Variants in PSTPIP1 observed in about 807,000 individuals in gnomAD.
The protein encoded by PSTPIP1 is proline-serine-threonine phosphatase-interacting protein 1.
PSTPIP1 carries 66 observed loss-of-function variants against 69.6 expected under a neutral mutation model. The observed-to-expected ratio is 0.95, with a 90% CI of 0.78 to 1.16. The LOEUF (loss-of-function observed/expected upper bound fraction) is 1.16, where lower values mean the gene tolerates loss of function less well. PSTPIP1 is among the 50% of genes most tolerant of loss of function. PSTPIP1 has a pLI of 0.00. For synonymous variants in PSTPIP1, 266 were observed against 222.7 expected (o/e 1.19, Z -1.73); for missense variants, 603 against 557.4 (o/e 1.08, Z -0.82).
chr15:77,031,470 C>A, intron 10 of PSTPIP1, 192 bp downstream of exon 10: 1 of 511,970 alleles, frequency 2.0e-6, no homozygotes. Flanking sequence ...CACACAGGGC[C>A]ATGGCTTCTC....
intron 1 of PSTPIP1, among the ~76,000 whole-genome samples, chr15:77,016,308 G>C (rs1025010970): frequency 2.0e-5 from 3 of 152,160 alleles, no homozygotes; most frequent in Admixed American, 6.5e-5. Context: ...AGGTGCAGGA[G>C]GCTGAGGCCC....
rs78797703 is a variant in PSTPIP1, at chr15:77,007,597, CT to C, written c.37-10536del. ...GCACTCCAGCCTGGGCAACAGAACA[CT>C]TTTTTTTTTTTTTTGAGATGGACTC... On this transcript the variant is annotated intron_variant, in intron 1 of 14. Transcript: ENST00000558012. Among the ~76,000 whole-genome samples the C allele has an allele frequency of 6.7e-3, 946 of 141,146 alleles. 5 individuals are homozygous for C. The highest frequency in any genetic ancestry group is 9.1e-3 in the African/African-American group (351 of 38,688). The allele number at this position is 141,146 out of a possible 152,430, so 92.6% of individuals were successfully genotyped here.
At chr15:77,034,947 G>C (rs2076520563) in intron 12 of PSTPIP1, among the ~76,000 whole-genome samples, 1 of 152,262 alleles carries the variant, frequency 6.6e-6, no homozygotes, top group Non-Finnish European at 1.5e-5. Context: ...GAACTCCTGT[G>C]AACAGGGTGG....
Position 77,025,283 on chromosome 15 carries a change from G to A in PSTPIP1, c.213-1G>A. 6.2e-7 allele frequency: 1 copy of A among 1,610,106 alleles called. No homozygotes were observed. The highest frequency in any genetic ancestry group is 1.1e-5 in the South Asian group (1 of 91,008). ...CTGACCTGGACCCATCTGTTTTGCAGCTCCCTGAGGGCCTCCTTTGACTCC... is the reference window on the plus strand; with the variant it reads ...CTGACCTGGACCCATCTGTTTTGCAACTCCCTGAGGGCCTCCTTTGACTCC... On this transcript the variant is annotated splice_acceptor_variant, in intron 3 of 14. Coordinates refer to ENST00000558012, the MANE Select transcript of PSTPIP1 (RefSeq NM_003978.5). LOFTEE classifies it high-confidence loss of function.
Position 77,027,526 on chromosome 15 carries a change from T to C in PSTPIP1, c.355-326T>C, listed in dbSNP as rs915519828. The stretch of plus-strand genomic sequence containing the variant: ...GTGTACACACACGTGTGAGCGACTG[T>C]GATGCCTGCAGAGGCTCAGGGATGC... On this transcript the variant is annotated intron_variant, in intron 5 of 14. Coordinates refer to ENST00000558012, the MANE Select transcript of PSTPIP1 (RefSeq NM_003978.5). The surrounding 1 kb of genome is among the most constrained non-coding windows in gnomAD (Gnocchi z 4.3). 1.3e-5 allele frequency among the ~76,000 whole-genome samples: 2 copies of C among 152,198 alleles called. No individual in the cohort carries two copies.
At chr15:77,021,323 G>A (rs2076156571) in intron 3 of PSTPIP1, among the ~76,000 whole-genome samples, 1 of 152,194 alleles carries the variant, frequency 6.6e-6, no homozygotes, top group Admixed American at 6.5e-5. Context: ...TGGGGCAGTG[G>A]CAATGGAGGA....
rs552576989 is a variant in PSTPIP1 at position 77,030,582 on chromosome 15, G to A, written c.642+1G>A. On this transcript the variant is annotated splice_donor_variant, in intron 9 of 14. Coordinates refer to ENST00000558012, the MANE Select transcript of PSTPIP1 (RefSeq NM_003978.5). LOFTEE classifies it high-confidence loss of function. ...GCAGGAGCACCGGACCACCTGTGAG[G>A]TGAGTGGCCCACGTGGAGCCTCGTT... 6.3e-7 allele frequency: 1 copy of A among 1,596,566 alleles called. No homozygotes were observed. Among genetic ancestry groups the A allele is most frequent in the African/African-American group, 1.3e-5 (1 of 74,794 alleles).
chr15:76,995,308 C>T lies in PSTPIP1; in HGVS notation c.-266C>T. The T allele has an allele frequency of 1.4e-6, 2 of 1,380,080 alleles. No individual in the cohort carries two copies. The highest frequency in any genetic ancestry group is 9.4e-7 in the Non-Finnish European group (1 of 1,064,510). The allele number at this position is 1,380,080 out of a possible 1,614,324, so 85.5% of individuals were successfully genotyped here. A position where few individuals can be genotyped will look rare whatever the true frequency, so the allele number is the denominator to read the frequency against. ...GTCGGTGAGGGGCTGGGCTGGACACCAGGGCCCGCCCTCCCATCACTGAGC... is the reference window on the plus strand; with the variant it reads ...GTCGGTGAGGGGCTGGGCTGGACACTAGGGCCCGCCCTCCCATCACTGAGC... On this transcript the variant is annotated 5_prime_UTR_variant, in exon 1 of 15. Transcript: ENST00000558012.
chr15:77,018,724 T>C (rs1293962679), intron 3 of PSTPIP1, among the ~76,000 whole-genome samples, 193 bp downstream of exon 3: 1 of 152,084 alleles, frequency 6.6e-6, no homozygotes, highest in Non-Finnish European at 1.5e-5. Flanking sequence ...CCCGAGGGTC[T>C]GAGTTCTGGA....
intron 1 of PSTPIP1, among the ~76,000 whole-genome samples, chr15:77,016,557 T>C (rs1055595075): frequency 2.6e-5 from 4 of 152,128 alleles, no homozygotes; most frequent in African/African-American, 4.8e-5. Flanking sequence ...CGCTGCTTGT[T>C]GCTCTGTGGA....
intron 2 of PSTPIP1, 41 bp downstream of exon 2, chr15:77,018,289 C>G (rs769469133): frequency 1.9e-5 from 29 of 1,551,632 alleles, no homozygotes; most frequent in Non-Finnish European, 2.5e-5. Flanking sequence ...AGGCAGGAAG[C>G]AGGTGGCTTC....
chr15:77,031,126 G>A lies in PSTPIP1; in HGVS notation c.643-54G>A, dbSNP rs2076405435. On this transcript the variant is annotated intron_variant, in intron 9 of 14. Coordinates refer to ENST00000558012, the MANE Select transcript of PSTPIP1 (RefSeq NM_003978.5). Reference sequence around the variant, plus strand: ...CTGAGCTGTGAATGGGGCCCAGCCTGGCCGGGCCCTGCAGCCGCCTCCTCA... The same window carrying A: ...CTGAGCTGTGAATGGGGCCCAGCCTAGCCGGGCCCTGCAGCCGCCTCCTCA... 8.5e-6 allele frequency: 13 copies of A among 1,534,338 alleles called. 1 individual carries two copies. In the South Asian group the frequency reaches 1.5e-4, roughly 17 times the overall value.
intron 1 of PSTPIP1, chr15:77,008,139 A>C (rs1302527670): frequency 2.2e-6 from 1 of 448,142 alleles, no homozygotes. Context: ...GCTGCAGTGA[A>C]TACTAAACGC....
In PSTPIP1 at chr15:76,995,138, G is replaced by T. The variant is rs548828496; in HGVS notation, c.-436G>T. The T allele has an allele frequency of 2.7e-6, 3 of 1,128,282 alleles. No homozygotes were observed. The highest frequency in any genetic ancestry group is 1.6e-5 in the African/African-American group (1 of 61,174). The allele number at this position is 1,128,282 out of a possible 1,614,324, so 69.9% of individuals were successfully genotyped here. A position where few individuals can be genotyped will look rare whatever the true frequency, so the allele number is the denominator to read the frequency against. ...GGGGAGGTTGCACAAACCTTCCTGC[G>T]CAGGCCTCGGGCTGCCTGCCTGCCT... On this transcript the variant is annotated 5_prime_UTR_variant, in exon 1 of 15. Coordinates refer to ENST00000558012, the MANE Select transcript of PSTPIP1 (RefSeq NM_003978.5).
intron 1 of PSTPIP1, among the ~76,000 whole-genome samples, chr15:77,009,481 A>T (rs968245815): frequency 6.6e-6 from 1 of 152,172 alleles, no homozygotes; most frequent in South Asian, 2.1e-4. Context: ...CAATTTACAG[A>T]TGAAAAAATT....
intron 1 of PSTPIP1, among the ~76,000 whole-genome samples, chr15:77,009,946 G>T (rs566754205): frequency 6.6e-6 from 1 of 152,300 alleles, no homozygotes; most frequent in African/African-American, 2.4e-5. Flanking sequence ...TGGTGCCCCT[G>T]GCTGGTCACT....
chr15:77,032,957 G>A lies in PSTPIP1; in HGVS notation c.929+5G>A, dbSNP rs768632688. The A allele has an allele frequency of 1.7e-5, 27 of 1,593,352 alleles. No individual in the cohort carries two copies. Among genetic ancestry groups the A allele is most frequent in the Non-Finnish European group, 2.3e-5 (27 of 1,170,284 alleles). ...GTCCTGCGGCATGATAAAGAGGTGA[G>A]GCCCCGACAGACGGAGGGAGGGCCT... On this transcript the variant is annotated splice_donor_5th_base_variant and intron_variant, in intron 12 of 14. Coordinates refer to ENST00000558012, the MANE Select transcript of PSTPIP1 (RefSeq NM_003978.5).
At chr15:77,034,691 G>C (rs911739587) in intron 12 of PSTPIP1, among the ~76,000 whole-genome samples, 1 of 152,098 alleles carries the variant, frequency 6.6e-6, no homozygotes, top group African/African-American at 2.4e-5. Flanking sequence ...TTCTCTCCTA[G>C]TAAAGCTTCA....
intron 5 of PSTPIP1, chr15:77,026,207 G>T (rs1414008835): frequency 4.4e-6 from 2 of 455,994 alleles, no homozygotes; most frequent in Non-Finnish European, 4.4e-6. Flanking sequence ...GCTTGTCAGG[G>T]AGGCTGCAGG....
Sources: allele counts gnomAD v4.1 joint callset (sites outside exome capture counted in the v4.1 genomes callset), GRCh38; gene constraint gnomAD v4.1.1; non-coding constraint Gnocchi (gnomAD v3.1); transcripts MANE v1.5; gene names NCBI Gene and HGNC (gene_info 2026-07-23, HGNC 2026-07-21).